MTMR4: variants seen among roughly 807,000 people sequenced by gnomAD.
MTMR4 encodes myotubularin related protein 4, also known as phosphatidylinositol-3,5-bisphosphate 3-phosphatase MTMR4.
Under a neutral mutation model 125.5 loss-of-function variants are expected in MTMR4, and 30 were observed. That is an observed-to-expected ratio of 0.24 (90% CI 0.18 to 0.32). MTMR4 has a LOEUF of 0.32. Ranked by LOEUF, MTMR4 falls within the 10% of genes least tolerant of loss-of-function variation. MTMR4 has a pLI of 1.00. For missense variants in MTMR4, 1,039 were observed against 1,511.5 expected (o/e 0.69, Z 5.18); for synonymous variants, 498 against 564.5 (o/e 0.88, Z 1.67).
rs1567923752 is a variant in MTMR4, at chr17:58,491,243, G to GTA, written c.*418_*419dup. 1 of 155,964 alleles carries GTA rather than the reference G, an allele frequency of 6.4e-6. No individual in the cohort carries two copies. The highest frequency in any genetic ancestry group is 2.4e-5 in the African/African-American group (1 of 41,488). 9.7% of individuals were successfully genotyped at this position (155,964 alleles called of 1,614,324 possible). ...CAAATAGGACAGGAATTCCTACCTT[G>GTA]TATACTATAATCTGCTTTTGTCAAG... On this transcript the variant is annotated 3_prime_UTR_variant, in exon 18 of 18. Transcript: ENST00000682306.
At chr17:58,507,411 A>G in intron 7 of MTMR4, 92 bp from the exon 8 acceptor site, 1 of 1,148,656 alleles carries the variant, frequency 8.7e-7, no homozygotes, top group African/African-American at 1.5e-5. Context: ...TAGAGCCAGC[A>G]GGGGCTACCA....
upstream of MTMR4, among the ~76,000 whole-genome samples, chr17:58,518,424 A>T (rs765737099): frequency 1.3e-5 from 2 of 152,148 alleles, no homozygotes; most frequent in Non-Finnish European, 2.9e-5. Flanking sequence ...GCAGGCTAAG[A>T]GAGAAGGGAG....
At chr17:58,498,187 G>A (rs973855093) in intron 14 of MTMR4, among the ~76,000 whole-genome samples, 7 of 151,942 alleles carry the variant, frequency 4.6e-5, no homozygotes, top group Admixed American at 1.3e-4. Flanking sequence ...GCAGTGAGCC[G>A]AGATCGCACC....
At chr17:58,492,628 G>C (rs903996992) in intron 16 of MTMR4, 29 bp from the exon 17 acceptor site, 1 of 1,603,436 alleles carries the variant, frequency 6.2e-7, no homozygotes, top group Non-Finnish European at 8.5e-7. Flanking sequence ...AAAAATTCCT[G>C]GTCCTTGTTG....
intron 1 of MTMR4, among the ~76,000 whole-genome samples, chr17:58,513,395 TGGTG>T (rs1372546562): frequency 1.3e-5 from 2 of 152,130 alleles, no homozygotes; most frequent in East Asian, 3.9e-4. Flanking sequence ...AGCTTCAATC[TGGTG>T]GGTGAAGGAG....
At chr17:58,498,746 A>G (rs1025426749) in intron 14 of MTMR4, among the ~76,000 whole-genome samples, 1 of 152,118 alleles carries the variant, frequency 6.6e-6, no homozygotes, top group Non-Finnish European at 1.5e-5. Context: ...CTGTCAACTA[A>G]TATTTCAATC....
chr17:58,497,291 GT>G (rs1975495533), intron 14 of MTMR4, among the ~76,000 whole-genome samples: 1 of 152,082 alleles, frequency 6.6e-6, no homozygotes, highest in Non-Finnish European at 1.5e-5. Context: ...TAAAACAAAT[GT>G]TTTATACATA....
intron 4 of MTMR4, chr17:58,511,169 G>A (rs1025622917): frequency 1.6e-5 from 5 of 322,064 alleles, no homozygotes; most frequent in Non-Finnish European, 2.3e-5. Context: ...TATTGTCCTC[G>A]GTGCTTTCAT....
intron 14 of MTMR4, among the ~76,000 whole-genome samples, chr17:58,497,631 C>T (rs1009505236): frequency 2.6e-5 from 4 of 152,304 alleles, no homozygotes; most frequent in Admixed American, 2.6e-4. Context: ...GTCCTGAAGG[C>T]AGGACTCTGT....
intron 7 of MTMR4, chr17:58,507,871 T>G: frequency 3.8e-6 from 1 of 261,988 alleles, no homozygotes; most frequent in South Asian, 6.1e-5. Flanking sequence ...GCAGGCCAGT[T>G]TGCCAACCCC....
chr17:58,511,505 G>T lies in MTMR4; in HGVS notation c.259C>A (p.Leu87Ile), dbSNP rs1188888980. The T allele has an allele frequency of 6.2e-7, 1 of 1,612,444 alleles. No homozygotes were observed. Among genetic ancestry groups the T allele is most frequent in the Non-Finnish European group, 8.5e-7 (1 of 1,179,312 alleles). Residue 87 changes from leucine (L) to isoleucine (I), a missense_variant, in exon 4 of 18, where the codon CTC becomes ATC. Transcript: ENST00000682306. Reference sequence around the variant, plus strand: ...CTCTCCACACTGTCAATCATCCGGAGGGGGACCTGTAGAGGAAGGGCAAAC... The same window carrying T: ...CTCTCCACACTGTCAATCATCCGGATGGGGACCTGTAGAGGAAGGGCAAAC... ...KFKDSVINVPLRMIDSVESRD... is the reference protein window; with the variant it reads ...KFKDSVINVPIRMIDSVESRD...
In MTMR4 at chr17:58,495,305, C is replaced by A. The variant is rs753576948; in HGVS notation, c.2879G>T (p.Gly960Val). 4 of 1,614,106 alleles carry A rather than the reference C, an allele frequency of 2.5e-6. No homozygotes were observed. Among genetic ancestry groups the A allele is most frequent in the Non-Finnish European group, 3.4e-6 (4 of 1,180,054 alleles). The change falls in exon 15 of 18, where the codon GGG becomes GTG. Residue 960 changes from glycine (G) to valine (V), a missense_variant. Around this residue, in one of 6 missense-constraint regions of MTMR4, gnomAD observed 619 missense variants for 714.5 expected, o/e 0.87. Transcript: ENST00000682306. ...AGCCCACTGGCCCCCAAAGCAGGGC[C>A]CTGTGGCCCGCATCTGCTTACTGTT... The part of the protein sequence containing the change: ...RPNSKQMRAT[G>V]PCFGGQWAQR...
chr17:58,493,473 C>T (rs1341229604), intron 15 of MTMR4, among the ~76,000 whole-genome samples: 1 of 152,254 alleles, frequency 6.6e-6, no homozygotes, highest in Non-Finnish European at 1.5e-5. Flanking sequence ...CCACCTCAGC[C>T]TCCTGAGTAG....
upstream of MTMR4, among the ~76,000 whole-genome samples, chr17:58,518,649 G>A (rs3744110): frequency 1.5e-4 from 23 of 152,242 alleles, no homozygotes; most frequent in East Asian, 4.4e-3. Flanking sequence ...AGCTAGCTGC[G>A]GCCTCCTAGT....
intron 14 of MTMR4, among the ~76,000 whole-genome samples, chr17:58,499,175 A>G (rs1177984216): frequency 6.6e-6 from 1 of 151,842 alleles, no homozygotes; most frequent in Non-Finnish European, 1.5e-5. Flanking sequence ...GACCTGTCCT[A>G]TATTTCCACT....
Position 58,504,324 on chromosome 17 carries a change from A to G in MTMR4, c.1506T>C (p.Phe502=). 6.2e-7 allele frequency: 1 copy of G among 1,613,846 alleles called. No homozygotes were observed. Residue 502 remains phenylalanine, a synonymous_variant, in exon 12 of 18, where the codon TTT becomes TTC. Coordinates refer to ENST00000682306, the MANE Select transcript of MTMR4 (RefSeq NM_001378067.1). This position sits in a 1 kb window ranked among gnomAD's most constrained non-coding sequence, Gnocchi z 7.1. Reference sequence around the variant, plus strand: ...TTACCAGGAATGCTTCATTAAATTCAAACAGGCAGGGGAACTGCTTAAGCA... The same window carrying G: ...TTACCAGGAATGCTTCATTAAATTCGAACAGGCAGGGGAACTGCTTAAGCA... The part of the protein sequence containing the change: ...HQLLKQFPCL[F]EFNEAFLVKL...
At chr17:58,492,430 A>G (rs1975337643) in intron 17 of MTMR4, 81 bp downstream of exon 17, 4 of 1,244,362 alleles carry the variant, frequency 3.2e-6, no homozygotes, top group East Asian at 2.3e-5. Context: ...CGGCCTCCCA[A>G]GGTGTTGGCA....
At chr17:58,514,668 G>C, upstream of MTMR4, 2 of 985,268 alleles carry the variant, frequency 2.0e-6, no homozygotes, top group Non-Finnish European at 2.4e-6. Flanking sequence ...CCGGGACCGC[G>C]GCGGGAAGGC....
intron 14 of MTMR4, among the ~76,000 whole-genome samples, chr17:58,497,427 A>G (rs978789249): frequency 1.3e-4 from 20 of 152,184 alleles, no homozygotes; most frequent in Admixed American, 1.2e-3. Context: ...CCAATTTAAC[A>G]ACATCTTTGC....
Sources: gnomAD v4.1 joint callset for allele counts (sites outside exome capture counted in the v4.1 genomes callset) on GRCh38, gnomAD v4.1.1 for gene constraint, gnomAD v4.1.1 regional missense constraint, Gnocchi (gnomAD v3.1) non-coding constraint, MANE v1.5 for transcripts, NCBI Gene and HGNC (gene_info 2026-07-23, HGNC 2026-07-21) for gene names.